MYO18A: variants seen among roughly 807,000 people sequenced by gnomAD.
MYO18A encodes the protein unconventional myosin-XVIIIa.
A neutral mutation model predicts 235.8 loss-of-function variants in MYO18A; 78 were observed. The ratio of observed to expected loss-of-function variants is 0.33; its 90% confidence interval spans 0.28 to 0.40. The LOEUF is 0.40. Ranked by LOEUF, MYO18A falls within the 10% of genes least tolerant of loss-of-function variation. The pLI, the probability that MYO18A is intolerant of heterozygous loss-of-function variation, is 1.00. For synonymous variants in MYO18A, 977 were observed against 1,077.8 expected, an observed-to-expected ratio of 0.91 and a Z score of 1.83; for missense variants, 2,215 against 2,699.3, an observed-to-expected ratio of 0.82 and a Z score of 3.98.
chr17:29,074,325 A>C lies in MYO18A; in HGVS notation c.*445T>G, dbSNP rs2065926701. ...GAAAGACAGCAGGCACCAAGAAGAG[A>C]GAGCCCCCACCCCACACGAGAGGGA... On this transcript the variant is annotated 3_prime_UTR_variant, in exon 42 of 42. Coordinates refer to ENST00000527372, the MANE Select transcript of MYO18A (RefSeq NM_078471.4). This position sits in a 1 kb window ranked among gnomAD's most constrained non-coding sequence, Gnocchi z 4.4. 1.1e-6 allele frequency: 1 copy of C among 870,742 alleles called. No individual in the cohort carries two copies. The highest frequency in any genetic ancestry group is 1.9e-5 in the South Asian group (1 of 53,862). The allele number at this position is 870,742 out of a possible 1,614,324, so 53.9% of individuals were successfully genotyped here.
chr17:29,136,243 AAAAAAAAAT>A (rs199791992), intron 2 of MYO18A, among the ~76,000 whole-genome samples: 12,028 of 95,372 alleles, frequency 0.13, 499 homozygotes, highest in East Asian at 0.3. Flanking sequence ...AAGAAAAAAA[AAAAAAAAAT>A]ATATATATAT....
chr17:29,132,304 T>A (rs899408935), intron 2 of MYO18A, among the ~76,000 whole-genome samples: 2 of 152,208 alleles, frequency 1.3e-5, no homozygotes, highest in African/African-American at 4.8e-5. Flanking sequence ...AGAAACTGGC[T>A]CACAACAGAT....
In MYO18A at chr17:29,114,967, G is replaced by A; in HGVS notation, c.2451C>T (p.Asp817=). The change falls in exon 14 of 42, where the codon GAC becomes GAT. Residue 817 remains aspartate, a synonymous_variant. Transcript: ENST00000527372. ...GCTCGTGGAAGAGCCTCTGCAGCCG[G>A]TCTTGGGTGTAGTTGTGGCACAGCT... ...FEELCHNYTQ[D]RLQRLFHERT... is the part of the protein sequence containing the mutation. 6.2e-7 allele frequency: 1 copy of A among 1,614,048 alleles called. No individual in the cohort carries two copies. Among genetic ancestry groups the A allele is most frequent in the Non-Finnish European group, 8.5e-7 (1 of 1,179,898 alleles).
intron 40 of MYO18A, among the ~76,000 whole-genome samples, chr17:29,083,355 C>G (rs2152726884): frequency 6.6e-6 from 1 of 152,256 alleles, no homozygotes; most frequent in Non-Finnish European, 1.5e-5. Flanking sequence ...GAGATAGCTT[C>G]TGAGTAAGAT....
At position 29,093,000 on chromosome 17, in the gene MYO18A, A is replaced by C. The variant is rs575552301; in HGVS notation, c.4928T>G (p.Val1643Gly). The part of the protein sequence containing the change: ...EGKLATLSDQ[V>G]NRRDFESEKR... ...CTCTGACTCAAAGTCCCGCCGGTTC[A>C]CCTGGGTGGGCACCAGCAGTTGGGG... Residue 1643 changes from valine (V) to glycine (G), a missense_variant and splice_region_variant, in exon 33 of 42, where the codon GTG (valine) becomes GGG (glycine). Coordinates refer to ENST00000527372, the MANE Select transcript of MYO18A (RefSeq NM_078471.4). 112 of 1,612,482 alleles carry C rather than the reference A, an allele frequency of 6.9e-5. 2 individuals carry two copies. In the East Asian group the frequency reaches 2.5e-3, roughly 36 times the overall value.
rs754531334 is a variant in MYO18A at position 29,124,811 on chromosome 17, C to T, written c.1000-2558G>A. ...CGGCACTCTCTAGTTGTCCAAGGCTCGGGGTGAAGGTGGGGGAGCTTGGTG... is the reference window on the plus strand; with the variant it reads ...CGGCACTCTCTAGTTGTCCAAGGCTTGGGGTGAAGGTGGGGGAGCTTGGTG... On this transcript the variant is annotated intron_variant, in intron 2 of 41. Transcript: ENST00000527372. 2.8e-5 allele frequency: 22 copies of T among 786,588 alleles called. 3 individuals carry two copies. The South Asian group carries it at 4.1e-4, about 15-fold the overall frequency. The allele number at this position is 786,588 out of a possible 1,614,324, so 48.7% of individuals were successfully genotyped here. A position where few individuals can be genotyped will look rare whatever the true frequency, so the allele number is the denominator to read the frequency against.
chr17:29,116,557 G>A, intron 10 of MYO18A, 102 bp from the exon 11 acceptor site: 3 of 1,397,988 alleles, frequency 2.1e-6, no homozygotes, highest in Non-Finnish European at 3.0e-6. Context: ...TGGGGCGGGG[G>A]TGTTGTGAGG....
chr17:29,102,259 T>C (rs1040108692), intron 21 of MYO18A, among the ~76,000 whole-genome samples: 13 of 152,258 alleles, frequency 8.5e-5, no homozygotes, highest in Middle Eastern at 3.4e-3. Context: ...CTTCCCAAGA[T>C]AGGCCTGGGA....
chr17:29,123,137 G>A (rs564342175), intron 2 of MYO18A, among the ~76,000 whole-genome samples: 27 of 152,314 alleles, frequency 1.8e-4, no homozygotes, highest in African/African-American at 5.3e-4. Flanking sequence ...AGGTACTGAC[G>A]GTGTGGGGCT....
At chr17:29,105,171 C>CAAA (rs58344909) in intron 20 of MYO18A, among the ~76,000 whole-genome samples, 19 of 35,788 alleles carry the variant, frequency 5.3e-4, no homozygotes, top group African/African-American at 1.6e-3. Flanking sequence ...GACTCTGTCT[C>CAAA]AAAAAAAAAA....
intron 41 of MYO18A, among the ~76,000 whole-genome samples, chr17:29,079,328 C>T (rs903143617): frequency 2.6e-5 from 4 of 152,202 alleles, no homozygotes; most frequent in Non-Finnish European, 4.4e-5. Context: ...AACAACCCTT[C>T]CCAGCTGTGC....
intron 2 of MYO18A, 92 bp from the exon 3 acceptor site, chr17:29,122,345 T>C (rs1045632138): frequency 2.6e-6 from 3 of 1,160,918 alleles, no homozygotes; most frequent in Non-Finnish European, 3.8e-6. Flanking sequence ...GCATGGGCTT[T>C]GAGACAAGCC....
chr17:29,164,357 C>T (rs1424285030), intron 2 of MYO18A, among the ~76,000 whole-genome samples: 1 of 152,210 alleles, frequency 6.6e-6, no homozygotes. Flanking sequence ...CCATTCACTA[C>T]CCTTCCCTGA....
intron 2 of MYO18A, among the ~76,000 whole-genome samples, chr17:29,135,971 T>A (rs1271817397): frequency 6.6e-6 from 1 of 152,200 alleles, no homozygotes; most frequent in Non-Finnish European, 1.5e-5. Context: ...CTCACGCCTG[T>A]AATCCCAGAA....
At chr17:29,178,676 G>A (rs1780904390) in intron 1 of MYO18A, among the ~76,000 whole-genome samples, 1 of 152,198 alleles carries the variant, frequency 6.6e-6, no homozygotes, top group Admixed American at 6.5e-5. Flanking sequence ...TTGTCAGGAA[G>A]CCAGAGACCT....
intron 2 of MYO18A, chr17:29,133,774 T>TA: frequency 7.8e-7 from 1 of 1,287,948 alleles, no homozygotes; most frequent in Non-Finnish European, 1.0e-6. Context: ...AGGAAAAACA[T>TA]AAAGATTTTA....
At chr17:29,124,094 C>T (rs2067263407) in intron 2 of MYO18A, among the ~76,000 whole-genome samples, 1 of 151,806 alleles carries the variant, frequency 6.6e-6, no homozygotes, top group Non-Finnish European at 1.5e-5. Flanking sequence ...TATTTTTTCT[C>T]AAATCACATA....
chr17:29,094,268 G>C, intron 30 of MYO18A, 178 bp from the exon 31 acceptor site: 1 of 612,036 alleles, frequency 1.6e-6, no homozygotes. Flanking sequence ...CCTTACTAGA[G>C]GTCTGGCATA....
At chr17:29,098,695 T>C (rs974103507) in intron 23 of MYO18A, 131 bp downstream of exon 23, 4 of 1,299,590 alleles carry the variant, frequency 3.1e-6, no homozygotes, top group East Asian at 2.5e-5. Flanking sequence ...CAGAGGGACA[T>C]CTTCTATTTG....
Sources: allele counts gnomAD v4.1 joint callset (sites outside exome capture counted in the v4.1 genomes callset), GRCh38; gene constraint gnomAD v4.1.1; non-coding constraint Gnocchi (gnomAD v3.1); transcripts MANE v1.5; gene names NCBI Gene and HGNC (gene_info 2026-07-23, HGNC 2026-07-21).